CACNA2D3: variants seen among roughly 807,000 people sequenced by gnomAD.
CACNA2D3 encodes the protein calcium voltage-gated channel auxiliary subunit alpha2delta 3, also known as voltage-dependent calcium channel subunit alpha-2/delta-3.
Under a neutral mutation model 160.6 loss-of-function variants are expected in CACNA2D3, and 60 were observed. The ratio of observed to expected loss-of-function variants is 0.37; its 90% CI spans 0.30 to 0.46. CACNA2D3 has a LOEUF of 0.46. CACNA2D3 is among the 20% of genes least tolerant of loss of function. The pLI is 1.00. For synonymous variants in CACNA2D3, 558 were observed against 492.9 expected (o/e 1.13, Z -1.75); for missense variants, 1,205 against 1,365.0 (o/e 0.88, Z 1.85).
Position 54,896,855 on chromosome 3 carries a change from A to C in CACNA2D3, c.2353A>C (p.Ile785Leu). Reference sequence around the variant, plus strand: ...GATTCCAGGGAGCTTCGTCTACTCGATCCCATTCAGCACTGGTGGGTGCCC... The same window carrying C: ...GATTCCAGGGAGCTTCGTCTACTCGCTCCCATTCAGCACTGGTGGGTGCCC... ...EQIPGSFVYS[I>L]PFSTGPVNKS... Residue 785 changes from isoleucine (I) to leucine (L), a missense_variant, in exon 26 of 38, where the codon ATC (isoleucine) becomes CTC (leucine). By Grantham distance (5) the Ile-to-Leu change is conservative (BLOSUM62 2). Coordinates refer to ENST00000474759, the MANE Select transcript of CACNA2D3 (RefSeq NM_018398.3). The C allele has an allele frequency of 1.9e-6, 3 of 1,613,924 alleles. No homozygotes were observed. Among genetic ancestry groups the C allele is most frequent in the Non-Finnish European group, 2.5e-6 (3 of 1,179,864 alleles).
intron 4 of CACNA2D3, among the ~76,000 whole-genome samples, chr3:54,457,111 G>A (rs1700412473): frequency 6.6e-6 from 1 of 151,336 alleles, no homozygotes; most frequent in Non-Finnish European, 1.5e-5. Flanking sequence ...GTACTAATTT[G>A]GGGTTTGGTT....
intron 3 of CACNA2D3, among the ~76,000 whole-genome samples, chr3:54,380,733 CA>C (rs1553641447): frequency 6.6e-6 from 1 of 151,430 alleles, no homozygotes; most frequent in African/African-American, 2.4e-5. Context: ...AAACAAAAAA[CA>C]AAAAAACAAA....
chr3:54,237,863 A>C (rs1701912347), intron 2 of CACNA2D3, among the ~76,000 whole-genome samples: 1 of 152,200 alleles, frequency 6.6e-6, no homozygotes, highest in African/African-American at 2.4e-5. Flanking sequence ...TTTAGGGGAA[A>C]AAATGGTTCC....
chr3:54,801,510 G>C (rs527627528), intron 13 of CACNA2D3, among the ~76,000 whole-genome samples: 1 of 152,132 alleles, frequency 6.6e-6, no homozygotes, highest in Admixed American at 6.5e-5. Context: ...ATTCATGTTA[G>C]TGACAGCCTA....
At chr3:54,535,711 G>A (rs1355275070) in intron 5 of CACNA2D3, among the ~76,000 whole-genome samples, 2 of 152,202 alleles carry the variant, frequency 1.3e-5, no homozygotes, top group Non-Finnish European at 2.9e-5. Context: ...TTTATTAAGA[G>A]AATATATGAT....
At chr3:55,013,660 C>A (rs1274196082) in intron 34 of CACNA2D3, among the ~76,000 whole-genome samples, 2 of 152,126 alleles carry the variant, frequency 1.3e-5, no homozygotes, top group Non-Finnish European at 2.9e-5. Flanking sequence ...TGTTTATCTG[C>A]TCCATTTCCT....
At chr3:54,822,790 C>CTTTCTTTCTTTCTTTCCTTTCTTT (rs1491160047) in intron 14 of CACNA2D3, among the ~76,000 whole-genome samples, 1 of 71,912 alleles carries the variant, frequency 1.4e-5, no homozygotes, top group Non-Finnish European at 2.7e-5. Flanking sequence ...TTCTTTCTTT[C>CTTTCTTTCTTTCTTTCCTTTCTTT]CTTTCTTTCT....
rs560986481 is a variant in CACNA2D3 at position 54,250,633 on chromosome 3, G to T, written c.205-69809G>T. Among the ~76,000 whole-genome samples the T allele has an allele frequency of 3.3e-5, 5 of 152,200 alleles. No individual in the cohort carries two copies. In the South Asian group the frequency reaches 6.2e-4, roughly 19 times the overall value. On this transcript the variant is annotated intron_variant, in intron 2 of 37. Transcript: ENST00000474759. ...ATTTTTTTTGTAGAGATGGAGTCTAGACTTGTTGCCCTGGCTGGTCTCAAA... is the reference window on the plus strand; with the variant it reads ...ATTTTTTTTGTAGAGATGGAGTCTATACTTGTTGCCCTGGCTGGTCTCAAA...
chr3:54,412,671 T>C (rs925271458), intron 4 of CACNA2D3, among the ~76,000 whole-genome samples: 1 of 150,668 alleles, frequency 6.6e-6, no homozygotes, highest in Non-Finnish European at 1.5e-5. Context: ...ATTTACACTT[T>C]ATGTAATTAT....
At chr3:54,667,972 A>T (rs1431905515) in intron 11 of CACNA2D3, among the ~76,000 whole-genome samples, 5 of 151,968 alleles carry the variant, frequency 3.3e-5, no homozygotes, top group African/African-American at 1.2e-4. Flanking sequence ...GTCAAAATAG[A>T]TATTTTTATA....
At position 54,746,068 on chromosome 3, in the gene CACNA2D3, G is replaced by A. The variant is rs75911974; in HGVS notation, c.1168-6531G>A. Reference sequence around the variant, plus strand: ...GGATGTTTCTTCTTTTATTATGAGCGTGATGGCTTATAGATTAAAGCAGCC... The same window carrying A: ...GGATGTTTCTTCTTTTATTATGAGCATGATGGCTTATAGATTAAAGCAGCC... On this transcript the variant is annotated intron_variant, in intron 11 of 37. Transcript: ENST00000474759. 1.3e-4 allele frequency among the ~76,000 whole-genome samples: 20 copies of A among 152,108 alleles called. No homozygotes were observed. In the East Asian group the frequency reaches 3.1e-3, roughly 24 times the overall value.
chr3:54,636,501 A>C (rs1268416212), intron 10 of CACNA2D3, among the ~76,000 whole-genome samples: 1 of 151,998 alleles, frequency 6.6e-6, no homozygotes, highest in Non-Finnish European at 1.5e-5. Context: ...GTTATGAGAA[A>C]TGTAGAGAGT....
At chr3:54,574,376 T>C (rs554280821) in intron 8 of CACNA2D3, among the ~76,000 whole-genome samples, 5 of 152,306 alleles carry the variant, frequency 3.3e-5, no homozygotes, top group East Asian at 1.9e-4. Context: ...GCAGGTTTTA[T>C]TAAGTTCATT....
intron 18 of CACNA2D3, 142 bp from the exon 19 acceptor site, chr3:54,878,876 G>C (rs1247426071): frequency 3.7e-6 from 2 of 536,712 alleles, no homozygotes; most frequent in Non-Finnish European, 6.6e-6. Flanking sequence ...TACATGAGCA[G>C]TTGGGTGTTT....
intron 3 of CACNA2D3, among the ~76,000 whole-genome samples, chr3:54,358,612 G>GGA (rs2107539352): frequency 6.6e-6 from 1 of 152,304 alleles, no homozygotes; most frequent in East Asian, 1.9e-4. Context: ...CCTCCTAGGG[G>GGA]GAGCTGCCTG....
chr3:54,542,367 G>A (rs897766034), intron 5 of CACNA2D3, among the ~76,000 whole-genome samples: 6 of 152,120 alleles, frequency 3.9e-5, no homozygotes, highest in African/African-American at 1.2e-4. Context: ...GCCTGAAAGG[G>A]AGTTTATTAA....
chr3:54,760,714 G>A (rs140899734), intron 12 of CACNA2D3, among the ~76,000 whole-genome samples: 65 of 152,192 alleles, frequency 4.3e-4, no homozygotes, highest in East Asian at 2.9e-3. Context: ...GATAGGACCA[G>A]AAGAACATGC....
intron 11 of CACNA2D3, among the ~76,000 whole-genome samples, chr3:54,711,871 G>T (rs1700959875): frequency 6.6e-6 from 1 of 152,130 alleles, no homozygotes; most frequent in Non-Finnish European, 1.5e-5. Flanking sequence ...AATATAAAAT[G>T]CCTAAAGCTA....
At position 54,899,792 on chromosome 3, in the gene CACNA2D3, A is replaced by C. The variant is rs1472337054; in HGVS notation, c.2373A>C (p.Pro791=). The C allele has an allele frequency of 8.1e-6, 13 of 1,606,676 alleles. No individual in the cohort carries two copies. Among genetic ancestry groups the C allele is most frequent in the South Asian group, 1.1e-5 (1 of 89,272 alleles). Residue 791 remains proline (P), a synonymous_variant, in exon 27 of 38, where the codon CCA becomes CCC. Coordinates refer to ENST00000474759, the MANE Select transcript of CACNA2D3 (RefSeq NM_018398.3). Reference sequence around the variant, plus strand: ...TGGTGTTTTTTCTTTTCACAGGACCAGTCAATAAAAGCAATGTGGTGACAG... The same window carrying C: ...TGGTGTTTTTTCTTTTCACAGGACCCGTCAATAAAAGCAATGTGGTGACAG... ...FVYSIPFSTG[P]VNKSNVVTAS...
Sources: gnomAD v4.1 joint callset for allele counts (sites outside exome capture counted in the v4.1 genomes callset) on GRCh38, gnomAD v4.1.1 for gene constraint, MANE v1.5 for transcripts, NCBI Gene and HGNC (gene_info 2026-07-23, HGNC 2026-07-21) for gene names.